Variants in DLG2 observed in about 807,000 individuals in gnomAD.
The protein encoded by DLG2 is disks large homolog 2.
Under a neutral mutation model 132.5 loss-of-function variants are expected in DLG2, and 45 were observed. The ratio of observed to expected loss-of-function variants is 0.34; its 90% CI spans 0.27 to 0.44. The LOEUF is 0.44. Among genes scored for constraint, DLG2 ranks in the 20% least tolerant of loss-of-function variants. DLG2 has a pLI of 1.00. For missense variants in DLG2, 1,045 were observed against 1,196.9 expected, an observed-to-expected ratio of 0.87 and a Z score of 1.87; for synonymous variants, 424 against 419.6, an observed-to-expected ratio of 1.01 and a Z score of -0.13.
chr11:85,281,826 C>G (rs2152753853), intron 4 of DLG2, among the ~76,000 whole-genome samples: 1 of 152,042 alleles, frequency 6.6e-6, no homozygotes, highest in East Asian at 1.9e-4. Context: ...AAACTTAGAG[C>G]TGCCATATGA....
chr11:84,581,373 T>G (rs575647731), intron 6 of DLG2, among the ~76,000 whole-genome samples: 1 of 152,264 alleles, frequency 6.6e-6, no homozygotes, highest in East Asian at 1.9e-4. Flanking sequence ...ATTTCCTCTA[T>G]AAAACATTCT....
chr11:84,349,259 T>C (rs774961359), intron 7 of DLG2, among the ~76,000 whole-genome samples: 3 of 152,100 alleles, frequency 2.0e-5, no homozygotes, highest in Non-Finnish European at 2.9e-5. Context: ...AGAATATTGA[T>C]GGGTCAGAAA....
chr11:84,157,240 C>G (rs2095446362), intron 9 of DLG2, among the ~76,000 whole-genome samples: 1 of 152,072 alleles, frequency 6.6e-6, no homozygotes, highest in Admixed American at 6.6e-5. Context: ...GTATATTTTG[C>G]ATATTTGAAA....
At chr11:84,060,912 CAT>C (rs1362962570) in intron 10 of DLG2, among the ~76,000 whole-genome samples, 1 of 152,146 alleles carries the variant, frequency 6.6e-6, no homozygotes, top group Non-Finnish European at 1.5e-5. Context: ...AAATCAACAT[CAT>C]CTCTCAGGTG....
chr11:85,123,228 C>T (rs370429558), intron 5 of DLG2, among the ~76,000 whole-genome samples: 1 of 151,566 alleles, frequency 6.6e-6, no homozygotes, highest in South Asian at 2.1e-4. Context: ...CCGCCCGCCT[C>T]GGCCTCCCAA....
chr11:84,709,166 A>G (rs56289023), intron 6 of DLG2, among the ~76,000 whole-genome samples: 2,340 of 152,040 alleles, frequency 0.015, 70 homozygotes, highest in African/African-American at 0.053. Flanking sequence ...GGATATATTA[A>G]TAATATGCTA....
chr11:85,063,127 C>T (rs574323308), intron 6 of DLG2, among the ~76,000 whole-genome samples: 8 of 151,800 alleles, frequency 5.3e-5, no homozygotes, highest in African/African-American at 7.3e-5. Context: ...CGCTCATTCT[C>T]GCAGCTGTTA....
chr11:84,715,362 CTGTGTGTGTGTA>C (rs1308620430), intron 6 of DLG2, among the ~76,000 whole-genome samples: 1 of 152,054 alleles, frequency 6.6e-6, no homozygotes, highest in South Asian at 2.1e-4. Flanking sequence ...GTGTTACACT[CTGTGTGTGTGTA>C]TGTGTGTGTG....
chr11:84,475,152 G>T (rs1156497823), intron 7 of DLG2, among the ~76,000 whole-genome samples: 3 of 152,046 alleles, frequency 2.0e-5, no homozygotes, highest in African/African-American at 7.2e-5. Flanking sequence ...TTCTTGGCTG[G>T]CACAGCCTGG....
chr11:84,725,999 A>G (rs1008190438), intron 6 of DLG2, among the ~76,000 whole-genome samples: 17 of 152,054 alleles, frequency 1.1e-4, no homozygotes, highest in Admixed American at 2.6e-4. Context: ...CAGCTCTTCC[A>G]TACTCCTCTT....
intron 6 of DLG2, among the ~76,000 whole-genome samples, chr11:84,871,867 G>T (rs1480006608): frequency 6.6e-6 from 1 of 152,080 alleles, no homozygotes; most frequent in Non-Finnish European, 1.5e-5. Flanking sequence ...TAGAGACGGG[G>T]TTTCACCATG....
chr11:85,217,261 A>G (rs947354503), intron 4 of DLG2, among the ~76,000 whole-genome samples: 3 of 151,832 alleles, frequency 2.0e-5, no homozygotes, highest in African/African-American at 7.3e-5. Flanking sequence ...TTTAAAGGTC[A>G]CACTTTTAAA....
intron 3 of DLG2, among the ~76,000 whole-genome samples, chr11:85,388,669 C>T (rs2086549240): frequency 6.6e-6 from 1 of 152,148 alleles, no homozygotes; most frequent in African/African-American, 2.4e-5. Context: ...GATCATATCA[C>T]AGGACTCTTT....
chr11:85,584,714 C>T (rs983023964), intron 3 of DLG2, among the ~76,000 whole-genome samples: 5 of 152,128 alleles, frequency 3.3e-5, no homozygotes, highest in African/African-American at 1.2e-4. Flanking sequence ...AAGGTGGTAT[C>T]TCATTGTGGT....
intron 6 of DLG2, among the ~76,000 whole-genome samples, chr11:84,547,911 TAGA>T (rs1410421415): frequency 6.6e-6 from 1 of 152,184 alleles, no homozygotes; most frequent in Non-Finnish European, 1.5e-5. Flanking sequence ...TAGCACATCC[TAGA>T]AGTAGTGCAT....
intron 14 of DLG2, among the ~76,000 whole-genome samples, chr11:83,933,449 G>A (rs547720398): frequency 1.8e-4 from 27 of 152,176 alleles, no homozygotes; most frequent in Non-Finnish European, 2.8e-4. Flanking sequence ...AGATAATGAC[G>A]TTGTAGCTCA....
chr11:84,105,317 T>C (rs1434654054), intron 9 of DLG2, among the ~76,000 whole-genome samples: 1 of 152,122 alleles, frequency 6.6e-6, no homozygotes, highest in East Asian at 1.9e-4. Context: ...ATTGGATACA[T>C]TTTGAAACTA....
At position 84,016,854 on chromosome 11, in the gene DLG2, C is replaced by G. The variant is rs371253484; in HGVS notation, c.920-36212G>C. Among the ~76,000 whole-genome samples the G allele has an allele frequency of 2.6e-5, 4 of 152,110 alleles. No individual in the cohort carries two copies. The East Asian group carries it at 7.7e-4, about 29-fold the overall frequency. ...AGTACAACCAAGATTTACATAGAATCTGAGTCAAGGTTGCAGTATTAATTA... is the reference window on the plus strand; with the variant it reads ...AGTACAACCAAGATTTACATAGAATGTGAGTCAAGGTTGCAGTATTAATTA... On this transcript the variant is annotated intron_variant, in intron 11 of 27. Transcript: ENST00000376104.
chr11:85,186,004 ATTTC>A (rs896440243), intron 4 of DLG2, among the ~76,000 whole-genome samples: 84 of 152,062 alleles, frequency 5.5e-4, no homozygotes, highest in African/African-American at 2.0e-3. Context: ...ACCAAAGCTC[ATTTC>A]TTTATCATTT....
Sources: gnomAD v4.1 joint callset for allele counts (sites outside exome capture counted in the v4.1 genomes callset) on GRCh38, gnomAD v4.1.1 for gene constraint, MANE v1.5 for transcripts, NCBI Gene and HGNC (gene_info 2026-07-23, HGNC 2026-07-21) for gene names.